ZFHX3: variants seen among roughly 807,000 people sequenced by gnomAD.
ZFHX3 encodes zinc finger homeobox 3.
A neutral mutation model predicts 279.1 loss-of-function variants in ZFHX3; 42 were observed. The ratio of observed to expected loss-of-function variants is 0.15; its 90% confidence interval spans 0.12 to 0.19. ZFHX3 has a LOEUF of 0.19. Among genes scored for constraint, ZFHX3 ranks in the 10% least tolerant of loss-of-function variants. The probability of loss-of-function intolerance (pLI) is 1.00; values close to 1 mark genes in which losing one functional copy is unlikely to be tolerated. For missense variants in ZFHX3, 4,981 were observed against 4,754.0 expected, an observed-to-expected ratio of 1.05 and a Z score of -1.40; for synonymous variants, 2,293 against 1,957.8, an observed-to-expected ratio of 1.17 and a Z score of -4.52.
chr16:73,761,416 A>G lies in ZFHX3; in HGVS notation c.-1607-81176T>C, dbSNP rs879563077. Among the ~76,000 whole-genome samples the G allele has an allele frequency of 2.6e-5, 4 of 152,210 alleles. 1 individual carries two copies. The highest frequency in any genetic ancestry group is 2.6e-4 in the Admixed American group (4 of 15,282). On this transcript the variant is annotated intron_variant, in intron 1 of 17. Transcript: ENST00000641206. ...ATGACCATACCATACTGCCCAAAGT[A>G]ATTTATACATTCAATGCTATTCCCA... is the stretch of plus-strand genomic sequence containing the variant.
rs991817404 is a variant in ZFHX3, at chr16:73,863,821, G to A, written c.-1608+27830C>T. Among the ~76,000 whole-genome samples the A allele has an allele frequency of 4.6e-5, 7 of 152,098 alleles. No individual in the cohort carries two copies. The South Asian group carries it at 8.3e-4, about 18-fold the overall frequency. The stretch of plus-strand genomic sequence containing the variant: ...GATGTTCTGTGAAAGAATAAGTGCC[G>A]AAATGAAACATGTTCTAATCCATCT... On this transcript the variant is annotated intron_variant, in intron 1 of 17. Transcript: ENST00000641206.
At chr16:73,025,407 G>T (rs1269001478) in intron 1 of ZFHX3, among the ~76,000 whole-genome samples, 1 of 152,208 alleles carries the variant, frequency 6.6e-6, no homozygotes, top group East Asian at 1.9e-4. Context: ...GTGTCAGCAA[G>T]TAAATTGCTA....
intron 4 of ZFHX3, among the ~76,000 whole-genome samples, chr16:73,259,247 A>G (rs1199609954): frequency 1.3e-5 from 2 of 152,200 alleles, no homozygotes; most frequent in Non-Finnish European, 2.9e-5. Flanking sequence ...CTTCAACTTT[A>G]TTAGATATTG....
Position 72,795,417 on chromosome 16 carries a change from T to C in ZFHX3, c.7265A>G (p.Lys2422Arg). Residue 2422 changes from lysine (K) to arginine (R), a missense_variant, in exon 9 of 10, where the codon AAA becomes AGA. By Grantham distance (26) the Lys-to-Arg change is conservative (BLOSUM62 2). Around this residue, in one of 7 missense-constraint regions of ZFHX3, gnomAD observed 744 missense variants for 701.3 expected, o/e 1.06. Coordinates refer to ENST00000268489, the MANE Select transcript of ZFHX3 (RefSeq NM_006885.4). ...EAEELATFNSKTEAGDEKPKL... is the reference protein window; with the variant it reads ...EAEELATFNSRTEAGDEKPKL... ...TGGTTTCTCATCGCCTGCCTCTGTT[T>C]TTGAATTGAAGGTGGCCAGTTCCTC... 2.5e-6 allele frequency: 4 copies of C among 1,614,122 alleles called. No individual in the cohort carries two copies. The highest frequency in any genetic ancestry group is 3.4e-6 in the Non-Finnish European group (4 of 1,180,016).
intron 2 of ZFHX3, among the ~76,000 whole-genome samples, chr16:73,460,168 A>G (rs968477064): frequency 6.6e-6 from 1 of 152,112 alleles, no homozygotes; most frequent in Non-Finnish European, 1.5e-5. Flanking sequence ...TGTTCTCCAT[A>G]TCTATAATTT....
chr16:73,736,506 T>G (rs2053611545), intron 1 of ZFHX3, among the ~76,000 whole-genome samples: 1 of 152,198 alleles, frequency 6.6e-6, no homozygotes, highest in South Asian at 2.1e-4. Flanking sequence ...TCATAGCCAC[T>G]TTGATGTTTA....
At chr16:72,884,895 G>A (rs1360118148) in intron 4 of ZFHX3, among the ~76,000 whole-genome samples, 2 of 152,200 alleles carry the variant, frequency 1.3e-5, no homozygotes, top group African/African-American at 2.4e-5. Flanking sequence ...CAGTGATGAC[G>A]AGTGGTTTCT....
At chr16:72,840,362 T>G (rs1039422374) in intron 4 of ZFHX3, among the ~76,000 whole-genome samples, 2 of 152,140 alleles carry the variant, frequency 1.3e-5, no homozygotes, top group Non-Finnish European at 2.9e-5. Flanking sequence ...TCAACGGTGA[T>G]GGATGCAATC....
At chr16:72,889,705 C>G (rs761682789) in intron 4 of ZFHX3, 26 bp downstream of exon 4, 57 of 1,604,806 alleles carry the variant, frequency 3.6e-5, no homozygotes, top group Non-Finnish European at 4.7e-5. Context: ...CCAACCTGGG[C>G]CTCCCATGCC....
At chr16:73,086,756 A>G (rs1966015988) in intron 8 of ZFHX3, among the ~76,000 whole-genome samples, 1 of 152,138 alleles carries the variant, frequency 6.6e-6, no homozygotes, top group Admixed American at 6.6e-5. Flanking sequence ...TACAAAAATT[A>G]GCTAGGTGTG....
chr16:73,769,176 C>T (rs1197102106), intron 1 of ZFHX3, among the ~76,000 whole-genome samples: 1 of 152,036 alleles, frequency 6.6e-6, no homozygotes, highest in Non-Finnish European at 1.5e-5. Context: ...AATCTAAGAC[C>T]CATAGACAGC....
chr16:72,903,383 C>T (rs2039088084), intron 3 of ZFHX3, among the ~76,000 whole-genome samples: 1 of 152,194 alleles, frequency 6.6e-6, no homozygotes, highest in Admixed American at 6.5e-5. Flanking sequence ...TGGCTTTTAA[C>T]AAGCCCTCTA....
intron 8 of ZFHX3, among the ~76,000 whole-genome samples, chr16:73,083,900 C>T (rs1965978294): frequency 6.6e-6 from 1 of 152,108 alleles, no homozygotes; most frequent in African/African-American, 2.4e-5. Context: ...CTGGAAAGAC[C>T]ACACAGCCCC....
At chr16:73,215,921 G>C (rs536117167) in intron 5 of ZFHX3, among the ~76,000 whole-genome samples, 2 of 152,062 alleles carry the variant, frequency 1.3e-5, no homozygotes, top group Non-Finnish European at 2.9e-5. Context: ...GGTCTACATG[G>C]AGACCTCAAG....
At chr16:73,064,164 C>G (rs1965718494), upstream of ZFHX3, among the ~76,000 whole-genome samples, 1 of 151,956 alleles carries the variant, frequency 6.6e-6, no homozygotes, top group Non-Finnish European at 1.5e-5. Flanking sequence ...GAAAAGGGAA[C>G]TAGATCCCTG....
chr16:73,643,532 T>C (rs1171920858), intron 2 of ZFHX3, among the ~76,000 whole-genome samples: 1 of 152,250 alleles, frequency 6.6e-6, no homozygotes, highest in Non-Finnish European at 1.5e-5. Context: ...TTGCAGTCAA[T>C]GACATCTTGA....
chr16:73,630,769 T>C (rs947779526), intron 2 of ZFHX3, among the ~76,000 whole-genome samples: 4 of 152,206 alleles, frequency 2.6e-5, no homozygotes, highest in African/African-American at 9.7e-5. Flanking sequence ...CAAAGCATGG[T>C]GGTGCTCAAC....
intron 1 of ZFHX3, among the ~76,000 whole-genome samples, chr16:73,009,215 TAAAAAG>T (rs1406875588): frequency 6.6e-6 from 1 of 151,530 alleles, no homozygotes; most frequent in Non-Finnish European, 1.5e-5. Flanking sequence ...AGTGCCAAGT[TAAAAAG>T]AAAAGAAAAA....
Position 72,957,623 on chromosome 16 carries a change from C to G in ZFHX3, c.2523G>C (p.Gln841His), listed in dbSNP as rs1209347262. The G allele has an allele frequency of 7.4e-6, 12 of 1,613,992 alleles. No homozygotes were observed. The highest frequency in any genetic ancestry group is 3.4e-6 in the Non-Finnish European group (4 of 1,180,044). ...GGCCCAGGTGGCGGTTGTGTTGGAT[C>G]TGGGTCATGTTCTGTTGCAGTAACA... ...NMMLLQQNMTQIQHNRHLGLG... is the reference protein window; with the variant it reads ...NMMLLQQNMTHIQHNRHLGLG... The change falls in exon 2 of 10, where the codon CAG becomes CAC. Residue 841 changes from glutamine (Q) to histidine (H), a missense_variant. Around this residue, in one of 7 missense-constraint regions of ZFHX3, gnomAD observed 1,751 missense variants for 1,770.0 expected, o/e 0.99. Transcript: ENST00000268489.
Sources: allele counts gnomAD v4.1 joint callset (sites outside exome capture counted in the v4.1 genomes callset), GRCh38; gene constraint gnomAD v4.1.1; regional missense constraint gnomAD v4.1.1; transcripts MANE v1.5; gene names NCBI Gene and HGNC (gene_info 2026-07-23, HGNC 2026-07-21).